Variants in PCDH9 observed in about 807,000 individuals in gnomAD.
PCDH9 encodes protocadherin-9.
A neutral mutation model predicts 70.6 loss-of-function variants in PCDH9; 24 were observed. That is an observed-to-expected ratio of 0.34 (90% CI 0.25 to 0.48). The LOEUF (loss-of-function observed/expected upper bound fraction) is 0.48, where lower values mean the gene tolerates loss of function less well. PCDH9 is among the 20% of genes least tolerant of loss of function. The pLI, the probability that PCDH9 is intolerant of heterozygous loss-of-function variation, is 0.99. For synonymous variants in PCDH9, 562 were observed against 558.5 expected (o/e 1.01, Z -0.09); for missense variants, 1,281 against 1,503.6 (o/e 0.85, Z 2.45).
chr13:66,907,422 G>A (rs1170581053), intron 2 of PCDH9, among the ~76,000 whole-genome samples: 1 of 152,074 alleles, frequency 6.6e-6, no homozygotes, highest in African/African-American at 2.4e-5. Context: ...AAGTACATTT[G>A]TTTTATACTT....
intron 3 of PCDH9, among the ~76,000 whole-genome samples, chr13:66,713,621 GTGTGTA>G (rs1027515558): frequency 1.2e-4 from 2 of 16,886 alleles, no homozygotes; most frequent in African/African-American, 2.5e-4. Context: ...AAGTGTGTGT[GTGTGTA>G]TATATATATA....
intron 4 of PCDH9, among the ~76,000 whole-genome samples, chr13:66,363,356 G>T: frequency 6.6e-6 from 1 of 151,340 alleles, no homozygotes; most frequent in Non-Finnish European, 1.5e-5. Context: ...TAGTTTTTTT[G>T]GCAAAAAAAG....
intron 2 of PCDH9, among the ~76,000 whole-genome samples, chr13:67,158,067 C>A (rs919447573): frequency 3.9e-5 from 6 of 152,098 alleles, no homozygotes; most frequent in African/African-American, 1.4e-4. Flanking sequence ...ATTTTTAAAA[C>A]GAAGATAATT....
At chr13:66,781,853 T>A (rs1290311616) in intron 3 of PCDH9, among the ~76,000 whole-genome samples, 2 of 139,124 alleles carry the variant, frequency 1.4e-5, no homozygotes, top group African/African-American at 5.3e-5. Flanking sequence ...ATCTATCACA[T>A]AATAATCAGG....
chr13:66,598,644 A>G (rs2077130353), intron 4 of PCDH9, among the ~76,000 whole-genome samples: 1 of 151,852 alleles, frequency 6.6e-6, no homozygotes, highest in South Asian at 2.1e-4. Flanking sequence ...TTTGCAGCAT[A>G]GCAACTACTG....
intron 3 of PCDH9, among the ~76,000 whole-genome samples, chr13:66,867,625 A>C (rs1337827356): frequency 1.3e-5 from 2 of 152,144 alleles, no homozygotes; most frequent in African/African-American, 4.8e-5. Context: ...GCTATTGAAA[A>C]ATACAACCAA....
intron 4 of PCDH9, among the ~76,000 whole-genome samples, chr13:66,494,137 G>A (rs1025753105): frequency 3.9e-5 from 6 of 152,106 alleles, no homozygotes; most frequent in African/African-American, 1.2e-4. Flanking sequence ...TGTAGAACCT[G>A]AGTAGAAAAG....
intron 2 of PCDH9, among the ~76,000 whole-genome samples, chr13:67,143,191 C>T (rs551402195): frequency 6.6e-6 from 1 of 152,214 alleles, no homozygotes; most frequent in Non-Finnish European, 1.5e-5. Flanking sequence ...TTATTAGCAT[C>T]TTGGACAACA....
intron 3 of PCDH9, among the ~76,000 whole-genome samples, chr13:66,770,780 C>G (rs1340675806): frequency 1.3e-5 from 2 of 152,204 alleles, no homozygotes; most frequent in East Asian, 1.9e-4. Context: ...CCTTCTTTGT[C>G]TTTTTGAGCT....
At chr13:66,490,443 G>A (rs1959016024) in intron 4 of PCDH9, among the ~76,000 whole-genome samples, 1 of 152,064 alleles carries the variant, frequency 6.6e-6, no homozygotes, top group Non-Finnish European at 1.5e-5. Flanking sequence ...TTAAATCTGT[G>A]GACCTTAAAA....
At chr13:66,961,365 C>A (rs533511305) in intron 2 of PCDH9, among the ~76,000 whole-genome samples, 1 of 152,142 alleles carries the variant, frequency 6.6e-6, no homozygotes, top group Non-Finnish European at 1.5e-5. Context: ...CAATACCAGA[C>A]CCATCACCTG....
intron 4 of PCDH9, among the ~76,000 whole-genome samples, chr13:66,614,615 G>A (rs140139737): frequency 6.6e-6 from 1 of 152,154 alleles, no homozygotes; most frequent in South Asian, 2.1e-4. Context: ...CCGGAAGCAG[G>A]CTTTTCGAAT....
chr13:67,005,680 C>T (rs2084336366), intron 2 of PCDH9, among the ~76,000 whole-genome samples: 1 of 152,102 alleles, frequency 6.6e-6, no homozygotes, highest in African/African-American at 2.4e-5. Context: ...AAATATCTTC[C>T]ACAAATAATA....
At chr13:67,221,331 T>G (rs981526752) in intron 2 of PCDH9, 1 of 152,086 alleles carries the variant, frequency 6.6e-6, no homozygotes, top group African/African-American at 2.4e-5. Context: ...TTGTAGTAGA[T>G]TATTCAAAAA....
intron 2 of PCDH9, among the ~76,000 whole-genome samples, chr13:67,193,364 C>T (rs1566487349): frequency 7.2e-6 from 1 of 138,496 alleles, no homozygotes; most frequent in African/African-American, 2.6e-5. Context: ...CACACACACA[C>T]ACAACATAGG....
intron 3 of PCDH9, among the ~76,000 whole-genome samples, chr13:66,687,436 A>C (rs1207449430): frequency 6.6e-6 from 1 of 151,922 alleles, no homozygotes; most frequent in African/African-American, 2.4e-5. Flanking sequence ...ATTTCATTTG[A>C]CTTTCTTCAT....
At chr13:66,668,565 T>G (rs942955139) in intron 3 of PCDH9, among the ~76,000 whole-genome samples, 1 of 152,140 alleles carries the variant, frequency 6.6e-6, no homozygotes, top group Non-Finnish European at 1.5e-5. Flanking sequence ...AACTAAGTAA[T>G]CTAAATAGCC....
intron 3 of PCDH9, among the ~76,000 whole-genome samples, chr13:66,838,914 CAAAA>C (rs925813314): frequency 6.6e-6 from 1 of 151,232 alleles, no homozygotes; most frequent in Non-Finnish European, 1.5e-5. Flanking sequence ...AATTCAGAAC[CAAAA>C]AAAGGCACTG....
chr13:66,717,525 T>C (rs1268309482), intron 3 of PCDH9, among the ~76,000 whole-genome samples: 1 of 136,138 alleles, frequency 7.3e-6, no homozygotes, highest in Non-Finnish European at 1.5e-5. Flanking sequence ...ATGTATAGGC[T>C]ACAAACCTTA....
Sources: allele counts gnomAD v4.1 joint callset (sites outside exome capture counted in the v4.1 genomes callset), GRCh38; gene constraint gnomAD v4.1.1; transcripts MANE v1.5; gene names NCBI Gene and HGNC (gene_info 2026-07-23, HGNC 2026-07-21).